Variants in SRRM4 observed in about 807,000 individuals in gnomAD.
The protein encoded by SRRM4 is serine/arginine repetitive matrix 4.
In SRRM4, 33 loss-of-function variants were observed where a neutral mutation model predicts 68.9. The observed-to-expected ratio is 0.48, with a 90% CI of 0.36 to 0.64. SRRM4 has a LOEUF of 0.64. Ranked by LOEUF, SRRM4 falls within the 30% of genes least tolerant of loss-of-function variation. The probability of loss-of-function intolerance (pLI) is 0.00; values close to 1 mark genes in which losing one functional copy is unlikely to be tolerated. For synonymous variants in SRRM4, 318 were observed against 318.8 expected (o/e 1.00, Z 0.03); for missense variants, 817 against 827.1 (o/e 0.99, Z 0.15).
intron 3 of SRRM4, among the ~76,000 whole-genome samples, chr12:119,115,997 C>T (rs73213760): frequency 0.033 from 5,026 of 152,204 alleles, 89 homozygotes; most frequent in Non-Finnish European, 0.042. Flanking sequence ...AATTCCTACA[C>T]AGGATCTTCG....
chr12:119,132,697 T>C (rs2136058937), intron 8 of SRRM4, among the ~76,000 whole-genome samples: 1 of 152,262 alleles, frequency 6.6e-6, no homozygotes, highest in African/African-American at 2.4e-5. Context: ...CTGTTCTTCA[T>C]GAGCCTGGCC....
chr12:119,089,071 C>A (rs560882926), intron 1 of SRRM4, among the ~76,000 whole-genome samples: 2 of 152,240 alleles, frequency 1.3e-5, no homozygotes, highest in African/African-American at 4.8e-5. Context: ...CCCCCGGTGT[C>A]TCCTGGTTGT....
chr12:119,121,360 T>A (rs1430798983), intron 5 of SRRM4, among the ~76,000 whole-genome samples: 1 of 152,210 alleles, frequency 6.6e-6, no homozygotes, highest in Non-Finnish European at 1.5e-5. Context: ...TCATCCTCCC[T>A]GATCTCTATT....
At chr12:119,034,810 A>G (rs758332419) in intron 1 of SRRM4, among the ~76,000 whole-genome samples, 2 of 152,160 alleles carry the variant, frequency 1.3e-5, no homozygotes, top group African/African-American at 2.4e-5. Flanking sequence ...TGTCTGATGA[A>G]TCTTTAGCCA....
intron 4 of SRRM4, 120 bp from the exon 5 acceptor site, chr12:119,120,130 T>A: frequency 1.9e-6 from 1 of 529,028 alleles, no homozygotes; most frequent in Non-Finnish European, 3.3e-6. Flanking sequence ...ATCCCTCCCT[T>A]TCTTCCTTCC....
chr12:119,156,034 CTGTT>C (rs1954469067), intron 12 of SRRM4, among the ~76,000 whole-genome samples: 1 of 152,154 alleles, frequency 6.6e-6, no homozygotes, highest in Non-Finnish European at 1.5e-5. Context: ...TATGACTTGT[CTGTT>C]TATCAACTGT....
Position 119,156,478 on chromosome 12 carries a change from C to T in SRRM4, c.1533-17C>T. On this transcript the variant is annotated splice_polypyrimidine_tract_variant and intron_variant, in intron 12 of 12. Coordinates refer to ENST00000267260, the MANE Select transcript of SRRM4 (RefSeq NM_194286.4). ...GGAGGGGCCGGCCCTCATCCCTCCT[C>T]TCTCTGGTCTCTGCAGTGCCCGGAA... is the stretch of plus-strand genomic sequence containing the variant. The T allele has an allele frequency of 6.3e-7, 1 of 1,578,114 alleles. No individual in the cohort carries two copies. The highest frequency in any genetic ancestry group is 8.6e-7 in the Non-Finnish European group (1 of 1,160,902).
intron 7 of SRRM4, among the ~76,000 whole-genome samples, chr12:119,129,472 T>C (rs1954280388): frequency 6.6e-6 from 1 of 152,196 alleles, no homozygotes; most frequent in Non-Finnish European, 1.5e-5. Flanking sequence ...GTCAACAGGA[T>C]GTCTTTATTT....
chr12:119,119,567 TTGACTC>T (rs942958747), intron 4 of SRRM4, among the ~76,000 whole-genome samples: 3 of 152,022 alleles, frequency 2.0e-5, no homozygotes, highest in African/African-American at 7.2e-5. Context: ...GTGATGCTGT[TTGACTC>T]TGAGCAACTT....
At position 119,075,798 on chromosome 12, in the gene SRRM4, T is replaced by C. The variant is rs549000855; in HGVS notation, c.132-26438T>C. On this transcript the variant is annotated intron_variant, in intron 1 of 12. Transcript: ENST00000267260. The stretch of plus-strand genomic sequence containing the variant: ...GTGATGATGATAGCGATGATGGTGA[T>C]GATGATGGTGATGATAACGGTGATG... 6.1e-4 allele frequency among the ~76,000 whole-genome samples: 91 copies of C among 148,240 alleles called. No individual in the cohort carries two copies. In the East Asian group the frequency reaches 0.017, roughly 28 times the overall value.
intron 1 of SRRM4, among the ~76,000 whole-genome samples, chr12:119,089,721 C>G (rs962773072): frequency 6.7e-6 from 1 of 149,306 alleles, no homozygotes; most frequent in Non-Finnish European, 1.5e-5. Context: ...ACCACCCTCT[C>G]TATTCATCCT....
intron 1 of SRRM4, among the ~76,000 whole-genome samples, chr12:119,091,324 A>G (rs1265347950): frequency 1.3e-5 from 2 of 152,156 alleles, no homozygotes; most frequent in Admixed American, 1.3e-4. Flanking sequence ...GATCATTTCT[A>G]GGTTCTGAAG....
chr12:119,053,463 G>A (rs1225149206), intron 1 of SRRM4, among the ~76,000 whole-genome samples: 1 of 152,218 alleles, frequency 6.6e-6, no homozygotes, highest in Non-Finnish European at 1.5e-5. Context: ...GGCTTAGGAG[G>A]AAGGAAACCT....
intron 1 of SRRM4, among the ~76,000 whole-genome samples, chr12:119,010,641 A>T (rs917089742): frequency 2.3e-4 from 35 of 152,368 alleles, no homozygotes; most frequent in Middle Eastern, 3.4e-3. Flanking sequence ...ATGATATTTC[A>T]GCATTTATCA....
chr12:119,107,296 T>G (rs1166471660), intron 2 of SRRM4, among the ~76,000 whole-genome samples: 1 of 152,228 alleles, frequency 6.6e-6, no homozygotes, highest in African/African-American at 2.4e-5. Flanking sequence ...TTGTTGTGTC[T>G]CTGCCAGGCT....
In SRRM4 at chr12:119,153,595, G is replaced by A. The variant is rs1056981406; in HGVS notation, c.1337G>A (p.Ser446Asn). ...SSKSGKRSPP[S>N]RSSRSRRSPS... The stretch of plus-strand genomic sequence containing the variant: ...AAGTCTGGCAAGAGGAGCCCGCCCA[G>A]CAGAAGCTCTAGGTCCCGCCGCAGC... The change falls in exon 11 of 13, where the codon AGC (serine) becomes AAC (asparagine). Residue 446 changes from serine to asparagine, a missense_variant. Transcript: ENST00000267260. 7 of 1,575,082 alleles carry A rather than the reference G, an allele frequency of 4.4e-6. No individual in the cohort carries two copies. Among genetic ancestry groups the A allele is most frequent in the South Asian group, 1.2e-5 (1 of 85,446 alleles).
chr12:119,107,487 C>T (rs941644430), intron 2 of SRRM4, among the ~76,000 whole-genome samples: 1 of 152,164 alleles, frequency 6.6e-6, no homozygotes, highest in African/African-American at 2.4e-5. Flanking sequence ...ATTATTGCCT[C>T]AATTTCAGAG....
intron 1 of SRRM4, among the ~76,000 whole-genome samples, chr12:118,995,878 C>G (rs906722592): frequency 6.6e-6 from 1 of 152,142 alleles, no homozygotes; most frequent in African/African-American, 2.4e-5. Flanking sequence ...ATCCATCCAC[C>G]CTTTATCCAC....
At chr12:119,096,143 C>G (rs904115598) in intron 1 of SRRM4, among the ~76,000 whole-genome samples, 2 of 150,812 alleles carry the variant, frequency 1.3e-5, no homozygotes, top group Non-Finnish European at 3.0e-5. Context: ...GCCTCAGCCT[C>G]CTGAGTAGCT....
Sources: allele counts gnomAD v4.1 joint callset (sites outside exome capture counted in the v4.1 genomes callset), GRCh38; gene constraint gnomAD v4.1.1; transcripts MANE v1.5; gene names NCBI Gene and HGNC (gene_info 2026-07-23, HGNC 2026-07-21).